RXRA: variants seen among roughly 807,000 people sequenced by gnomAD.
The protein encoded by RXRA is retinoic acid receptor RXR-alpha.
RXRA carries 5 observed loss-of-function variants against 44.5 expected under a neutral mutation model. The observed-to-expected ratio is 0.11, with a 90% CI of 0.06 to 0.24. RXRA has a LOEUF of 0.24. Ranked by LOEUF, RXRA falls within the 10% of genes least tolerant of loss-of-function variation. The pLI is 1.00. For synonymous variants in RXRA, 291 were observed against 271.4 expected (o/e 1.07, Z -0.71); for missense variants, 412 against 646.5 (o/e 0.64, Z 3.93).
rs1831419197 is a variant in RXRA, at chr9:134,425,559, G to GT, written c.911-3549_911-3548insT. The GT allele has an allele frequency of 4.1e-6, 3 of 739,210 alleles. No individual in the cohort carries two copies. In the African/African-American group the frequency reaches 6.0e-5, roughly 15 times the overall value. The allele number at this position is 739,210 out of a possible 1,614,324, so 45.8% of individuals were successfully genotyped here. ...GTGGCGGCAGGGTGGGGGGTGGGGG[G>GT]GGGTGAGGGGGGTGGGGGGAATGGA... is the stretch of plus-strand genomic sequence containing the variant. On this transcript the variant is annotated intron_variant, in intron 6 of 9. Transcript: ENST00000481739.
chr9:134,341,791 C>T (rs1187306815), intron 1 of RXRA, among the ~76,000 whole-genome samples: 1 of 152,164 alleles, frequency 6.6e-6, no homozygotes, highest in Admixed American at 6.5e-5. Flanking sequence ...TTGTTGCCAC[C>T]CCTCCTCTGG....
At chr9:134,420,810 C>T (rs918089451) in intron 5 of RXRA, among the ~76,000 whole-genome samples, 1 of 152,218 alleles carries the variant, frequency 6.6e-6, no homozygotes, top group Non-Finnish European at 1.5e-5. Flanking sequence ...TGAGGAGGGG[C>T]CTCCCCTCCT....
chr9:134,334,750 G>A (rs567985476), intron 1 of RXRA, among the ~76,000 whole-genome samples: 7 of 152,226 alleles, frequency 4.6e-5, no homozygotes, highest in Non-Finnish European at 8.8e-5. Flanking sequence ...GCACCCTGGG[G>A]ACCAGCTCCC....
chr9:134,403,975 CTTGG>C, intron 2 of RXRA: 1 of 152,408 alleles, frequency 6.6e-6, no homozygotes, highest in East Asian at 1.9e-4. Flanking sequence ...CCATGCTTGA[CTTGG>C]CCCTGGTTCC....
chr9:134,430,441 GC>G (rs1831514724), intron 7 of RXRA, among the ~76,000 whole-genome samples: 2 of 152,240 alleles, frequency 1.3e-5, no homozygotes, highest in Admixed American at 1.3e-4. Context: ...GGGGATTAAT[GC>G]CCCAGCAGCA....
intron 1 of RXRA, chr9:134,401,278 C>G (rs1379761303): frequency 2.9e-6 from 1 of 346,766 alleles, no homozygotes; most frequent in East Asian, 7.6e-5. Context: ...GTCCCGGCCA[C>G]CAGCCACTCC....
chr9:134,403,133 G>A (rs576309798), intron 2 of RXRA: 1 of 152,398 alleles, frequency 6.6e-6, no homozygotes, highest in Admixed American at 6.5e-5. Context: ...TCCTGACCTA[G>A]GACTGGGCTG....
chr9:134,360,105 G>A lies in RXRA; in HGVS notation c.28+33446G>A, dbSNP rs561659229. Among the ~76,000 whole-genome samples, 27 of 152,314 alleles carry A rather than the reference G, an allele frequency of 1.8e-4. 1 individual carries two copies. Among genetic ancestry groups the A allele is most frequent in the Admixed American group, 1.3e-3 (20 of 15,308 alleles). On this transcript the variant is annotated intron_variant, in intron 1 of 9. Coordinates refer to ENST00000481739, the MANE Select transcript of RXRA (RefSeq NM_002957.6). Reference sequence around the variant, plus strand: ...ATGCCACCATGCTTTCGAGGCCGCTGAGGGGCCCCAGGGCTTTACCTAAGG... The same window carrying A: ...ATGCCACCATGCTTTCGAGGCCGCTAAGGGGCCCCAGGGCTTTACCTAAGG...
intron 1 of RXRA, among the ~76,000 whole-genome samples, chr9:134,379,116 G>A (rs982820105): frequency 6.6e-6 from 1 of 152,164 alleles, no homozygotes; most frequent in African/African-American, 2.4e-5. Flanking sequence ...GGGGCCACCC[G>A]GCTCCTCCAG....
intron 1 of RXRA, among the ~76,000 whole-genome samples, chr9:134,344,880 G>C (rs1170434037): frequency 6.6e-6 from 1 of 152,222 alleles, no homozygotes; most frequent in Non-Finnish European, 1.5e-5. Context: ...TGGTAGTGAT[G>C]GGACGCAGCC....
At chr9:134,381,163 A>G (rs1425179292) in intron 1 of RXRA, among the ~76,000 whole-genome samples, 1 of 152,110 alleles carries the variant, frequency 6.6e-6, no homozygotes, top group Non-Finnish European at 1.5e-5. Flanking sequence ...GGGTTGAGGG[A>G]GGCCCTGGAG....
chr9:134,346,112 C>G (rs55735339), intron 1 of RXRA, among the ~76,000 whole-genome samples: 1 of 152,170 alleles, frequency 6.6e-6, no homozygotes, highest in South Asian at 2.1e-4. Flanking sequence ...TGGGGGGCCA[C>G]GCAGGGTCCC....
chr9:134,358,440 A>G (rs899946233), intron 1 of RXRA, among the ~76,000 whole-genome samples: 3 of 152,214 alleles, frequency 2.0e-5, no homozygotes, highest in African/African-American at 7.2e-5. Flanking sequence ...GCATATGCAA[A>G]GGCCCAGAGC....
At chr9:134,386,889 C>G (rs558943377) in intron 1 of RXRA, among the ~76,000 whole-genome samples, 1 of 152,188 alleles carries the variant, frequency 6.6e-6, no homozygotes, top group Non-Finnish European at 1.5e-5. Context: ...TGGGGTCTGC[C>G]CCACTCCCAT....
Position 134,437,133 on chromosome 9 carries a change from G to A in RXRA, c.*519G>A. On this transcript the variant is annotated 3_prime_UTR_variant, in exon 10 of 10. Coordinates refer to ENST00000481739, the MANE Select transcript of RXRA (RefSeq NM_002957.6). ...AGGGGACAGCTGGGGGCGCAAGCTG[G>A]TGTGTCATCAGCAAAGACCTCAGCC... 6.2e-6 allele frequency: 1 copy of A among 161,526 alleles called. No homozygotes were observed. Among genetic ancestry groups the A allele is most frequent in the Non-Finnish European group, 1.4e-5 (1 of 72,618 alleles). 10.0% of individuals were successfully genotyped at this position (161,526 alleles called of 1,614,324 possible). A position where few individuals can be genotyped will look rare whatever the true frequency, so the allele number is the denominator to read the frequency against.
intron 5 of RXRA, among the ~76,000 whole-genome samples, chr9:134,420,849 C>T (rs1266153247): frequency 6.6e-6 from 1 of 152,196 alleles, no homozygotes; most frequent in East Asian, 1.9e-4. Flanking sequence ...TGGGTCCCCT[C>T]ATCTGTGAGA....
At chr9:134,431,433 A>G (rs1831530830) in intron 7 of RXRA, among the ~76,000 whole-genome samples, 1 of 151,916 alleles carries the variant, frequency 6.6e-6, no homozygotes, top group African/African-American at 2.4e-5. Context: ...GGCCCTGGGG[A>G]AAGGTATCTT....
chr9:134,348,624 G>A (rs570081260), intron 1 of RXRA, among the ~76,000 whole-genome samples: 1 of 152,358 alleles, frequency 6.6e-6, no homozygotes, highest in South Asian at 2.1e-4. Flanking sequence ...CCACCCTGCT[G>A]TGGCACTGCG....
At chr9:134,401,988 T>A in intron 2 of RXRA, 106 bp downstream of exon 2, 1 of 957,210 alleles carries the variant, frequency 1.0e-6, no homozygotes, top group Non-Finnish European at 1.5e-6. Context: ...AGGTAGGTGC[T>A]GTGGTCTCCC....
Sources: gnomAD v4.1 joint callset for allele counts (sites outside exome capture counted in the v4.1 genomes callset) on GRCh38, gnomAD v4.1.1 for gene constraint, MANE v1.5 for transcripts, NCBI Gene and HGNC (gene_info 2026-07-23, HGNC 2026-07-21) for gene names.